Variants in RALGAPB observed in about 807,000 individuals in gnomAD.
RALGAPB encodes ral GTPase-activating protein subunit beta.
A neutral mutation model predicts 161.1 loss-of-function variants in RALGAPB; 25 were observed. The observed-to-expected ratio is 0.16, with a 90% CI of 0.11 to 0.22. The LOEUF is 0.22. Ranked by LOEUF, RALGAPB falls within the 10% of genes least tolerant of loss-of-function variation. The pLI, the probability that RALGAPB is intolerant of heterozygous loss-of-function variation, is 1.00. For synonymous variants in RALGAPB, 629 were observed against 626.1 expected (o/e 1.00, Z -0.07); for missense variants, 1,391 against 1,815.2 (o/e 0.77, Z 4.25).
In RALGAPB at chr20:38,473,055, C is replaced by T. The variant is rs2084695924; in HGVS notation, c.-45C>T. 1 of 375,836 alleles carries T rather than the reference C, an allele frequency of 2.7e-6. No individual in the cohort carries two copies. Among genetic ancestry groups the T allele is most frequent in the Non-Finnish European group, 4.7e-6 (1 of 211,090 alleles). 23.3% of individuals were successfully genotyped at this position (375,836 alleles called of 1,614,324 possible). ...GCGCCCGCCCCGGCGATGCGGGCCCCGCCCGTCGCCTCAGGTAACCGGGCA... is the reference window on the plus strand; with the variant it reads ...GCGCCCGCCCCGGCGATGCGGGCCCTGCCCGTCGCCTCAGGTAACCGGGCA... On this transcript the variant is annotated 5_prime_UTR_variant, in exon 1 of 30. Coordinates refer to ENST00000262879, the MANE Select transcript of RALGAPB (RefSeq NM_020336.4).
At chr20:38,562,072 AC>A (rs2087804161) in intron 23 of RALGAPB, among the ~76,000 whole-genome samples, 1 of 152,162 alleles carries the variant, frequency 6.6e-6, no homozygotes, top group Non-Finnish European at 1.5e-5. Flanking sequence ...TATTAATTAC[AC>A]CTAATGTTTA....
intron 29 of RALGAPB, 50 bp from the exon 30 acceptor site, chr20:38,574,724 A>G: frequency 6.6e-7 from 1 of 1,511,906 alleles, no homozygotes; most frequent in Non-Finnish European, 9.2e-7. Context: ...CAGTTCACCT[A>G]CGTAAGTGAC....
chr20:38,561,401 A>G (rs1245501737), intron 23 of RALGAPB, among the ~76,000 whole-genome samples: 1 of 152,238 alleles, frequency 6.6e-6, no homozygotes, highest in Non-Finnish European at 1.5e-5. Context: ...GTCAGATGTA[A>G]TGAATGTAAC....
chr20:38,559,428 C>T (rs2087709497), intron 23 of RALGAPB, among the ~76,000 whole-genome samples: 1 of 152,234 alleles, frequency 6.6e-6, no homozygotes, highest in African/African-American at 2.4e-5. Flanking sequence ...GGTGTGGTGG[C>T]TCACGCCTGT....
Position 38,557,525 on chromosome 20 carries a change from C to G in RALGAPB, c.3373-770C>G, listed in dbSNP as rs370001034. 1.3e-4 allele frequency among the ~76,000 whole-genome samples: 20 copies of G among 152,314 alleles called. 1 individual carries two copies. The South Asian group carries it at 2.7e-3, about 21-fold the overall frequency. On this transcript the variant is annotated intron_variant, in intron 22 of 29. Coordinates refer to ENST00000262879, the MANE Select transcript of RALGAPB (RefSeq NM_020336.4). Reference sequence around the variant, plus strand: ...ACCTATTCATCCCTCCCTCTTCACTCCTCACTCAACACCTAGTAGCCACTG... The same window carrying G: ...ACCTATTCATCCCTCCCTCTTCACTGCTCACTCAACACCTAGTAGCCACTG...
chr20:38,487,585 A>G (rs1242584535), intron 1 of RALGAPB, among the ~76,000 whole-genome samples: 1 of 152,198 alleles, frequency 6.6e-6, no homozygotes, highest in Admixed American at 6.5e-5. Context: ...GGTGATGCTG[A>G]CACAACTGAC....
In RALGAPB at chr20:38,531,169, G is replaced by A. The variant is rs764999533; in HGVS notation, c.2053G>A (p.Ala685Thr). ...ATACTGTTTTATTGTTGTTGTAGGG[G>A]CAATGTTAAATATTGTTCAAGATTC... is the stretch of plus-strand genomic sequence containing the variant. ...DPNNTQMILG[A>T]MLNIVQDSAL... is the part of the protein sequence containing the mutation. The change falls in exon 14 of 30, where the codon GCA becomes ACA. Residue 685 changes from alanine to threonine, a missense_variant and splice_region_variant. Around this residue, in one of 3 missense-constraint regions of RALGAPB, gnomAD observed 946 missense variants for 1,257.2 expected, o/e 0.75. Coordinates refer to ENST00000262879, the MANE Select transcript of RALGAPB (RefSeq NM_020336.4). The A allele has an allele frequency of 2.5e-6, 4 of 1,605,598 alleles. No homozygotes were observed. The highest frequency in any genetic ancestry group is 2.2e-5 in the East Asian group (1 of 44,786).
chr20:38,567,303 A>G (rs2088042277), intron 26 of RALGAPB, 71 bp downstream of exon 26: 2 of 1,549,170 alleles, frequency 1.3e-6, no homozygotes, highest in African/African-American at 2.8e-5. Flanking sequence ...TCCTGCCTGA[A>G]AAGCTTTTAA....
At chr20:38,480,982 C>T (rs1205573048) in intron 1 of RALGAPB, among the ~76,000 whole-genome samples, 1 of 149,728 alleles carries the variant, frequency 6.7e-6, no homozygotes, top group East Asian at 2.0e-4. Context: ...GTGATCTGCC[C>T]ATCTTGGCCT....
intron 5 of RALGAPB, among the ~76,000 whole-genome samples, chr20:38,502,820 G>T (rs2085635910): frequency 6.6e-6 from 1 of 152,114 alleles, no homozygotes; most frequent in South Asian, 2.1e-4. Context: ...GGCCAAGCTG[G>T]TCTCTAACTC....
intron 6 of RALGAPB, among the ~76,000 whole-genome samples, chr20:38,514,212 C>CT (rs2086060605): frequency 6.6e-6 from 1 of 152,218 alleles, no homozygotes; most frequent in Admixed American, 6.5e-5. Context: ...ACAAGCCACT[C>CT]TGTCATTTGT....
At chr20:38,540,000 T>C in intron 17 of RALGAPB, 42 bp downstream of exon 17, 1 of 1,546,744 alleles carries the variant, frequency 6.5e-7, no homozygotes, top group African/African-American at 1.4e-5. Flanking sequence ...AAAACAAAAA[T>C]GTATGCTAGC....
chr20:38,525,648 T>C, intron 12 of RALGAPB, 130 bp downstream of exon 12: 1 of 865,610 alleles, frequency 1.2e-6, no homozygotes, highest in Non-Finnish European at 1.8e-6. Context: ...TCAAGTTATT[T>C]CAAGTGAATT....
At chr20:38,500,828 T>G (rs1372797260) in intron 5 of RALGAPB, among the ~76,000 whole-genome samples, 1 of 152,166 alleles carries the variant, frequency 6.6e-6, no homozygotes, top group Non-Finnish European at 1.5e-5. Flanking sequence ...ATTTATGATA[T>G]GGAGAAAGTT....
At chr20:38,570,072 G>T in intron 27 of RALGAPB, 76 bp downstream of exon 27, 1 of 1,250,328 alleles carries the variant, frequency 8.0e-7, no homozygotes, top group Non-Finnish European at 1.2e-6. Context: ...ACAGGGAGTG[G>T]GCACATAAGC....
chr20:38,476,092 G>C (rs529548533), intron 1 of RALGAPB, among the ~76,000 whole-genome samples: 1 of 152,288 alleles, frequency 6.6e-6, no homozygotes, highest in Admixed American at 6.5e-5. Context: ...ACAGTATCCA[G>C]TTCTTGCTTT....
chr20:38,531,096 A>G (rs2086638619), intron 13 of RALGAPB, 71 bp from the exon 14 acceptor site: 1 of 1,267,506 alleles, frequency 7.9e-7, no homozygotes. Flanking sequence ...ACTATTAATC[A>G]TATAAAATGT....
At chr20:38,476,606 A>G (rs1291451694) in intron 1 of RALGAPB, among the ~76,000 whole-genome samples, 4 of 152,204 alleles carry the variant, frequency 2.6e-5, no homozygotes, top group Non-Finnish European at 5.9e-5. Context: ...GAGAAACTCA[A>G]TTAGATATCT....
At chr20:38,494,760 A>G (rs6099947) in intron 3 of RALGAPB, among the ~76,000 whole-genome samples, 16,883 of 152,262 alleles carry the variant, frequency 0.11, 2,525 homozygotes, top group African/African-American at 0.34. Context: ...GGAGCCTACT[A>G]GGCTTTTTCT....
Sources: allele counts gnomAD v4.1 joint callset (sites outside exome capture counted in the v4.1 genomes callset), GRCh38; gene constraint gnomAD v4.1.1; regional missense constraint gnomAD v4.1.1; transcripts MANE v1.5; gene names NCBI Gene and HGNC (gene_info 2026-07-23, HGNC 2026-07-21).